Variants in NPAS3 observed in about 807,000 individuals in gnomAD.
NPAS3 encodes the protein neuronal PAS domain-containing protein 3.
Under a neutral mutation model 73.1 loss-of-function variants are expected in NPAS3, and 14 were observed. That is an observed-to-expected ratio of 0.19 (90% CI 0.13 to 0.30). NPAS3 has a LOEUF of 0.30. NPAS3 is among the 10% of genes least tolerant of loss of function. The pLI, the probability that NPAS3 is intolerant of heterozygous loss-of-function variation, is 1.00. For synonymous variants in NPAS3, 620 were observed against 541.5 expected (o/e 1.14, Z -2.01); for missense variants, 1,096 against 1,250.0 (o/e 0.88, Z 1.86).
chr14:33,121,438 C>A (rs561980992), intron 2 of NPAS3, among the ~76,000 whole-genome samples: 3 of 152,216 alleles, frequency 2.0e-5, no homozygotes, highest in African/African-American at 7.2e-5. Flanking sequence ...CTGACTCCCC[C>A]ACTAGACTGA....
chr14:33,687,449 A>G (rs571578056), intron 6 of NPAS3, among the ~76,000 whole-genome samples: 46 of 152,324 alleles, frequency 3.0e-4, no homozygotes, highest in African/African-American at 1.0e-3. Flanking sequence ...AAGAACATTC[A>G]TAAAACTCAT....
intron 2 of NPAS3, among the ~76,000 whole-genome samples, chr14:33,115,773 A>G (rs1009789063): frequency 6.6e-6 from 1 of 152,170 alleles, no homozygotes; most frequent in Non-Finnish European, 1.5e-5. Flanking sequence ...GTTTCCATGT[A>G]CAGTGGTTTA....
chr14:33,596,963 T>C (rs1354239967), intron 5 of NPAS3, among the ~76,000 whole-genome samples: 1 of 152,184 alleles, frequency 6.6e-6, no homozygotes, highest in African/African-American at 2.4e-5. Flanking sequence ...AGGGACATCC[T>C]GTGATGAAGC....
chr14:33,525,524 A>G (rs2053758335), intron 4 of NPAS3, among the ~76,000 whole-genome samples: 1 of 152,220 alleles, frequency 6.6e-6, no homozygotes. Flanking sequence ...GTCAGAGCAC[A>G]GTGCTAGGCT....
In NPAS3 at chr14:33,378,395, T is replaced by A. The variant is rs80072734; in HGVS notation, c.468+11127T>A. ...TCACTCATCACACCCACACACATAT[T>A]CCCTTTTTAAGTTTGGTGTTCCCTG... On this transcript the variant is annotated intron_variant, in intron 4 of 11. Transcript: ENST00000356141. Among the ~76,000 whole-genome samples the A allele has an allele frequency of 1.5e-3, 235 of 152,176 alleles. 1 individual carries two copies. The East Asian group carries it at 0.019, about 12-fold the overall frequency.
intron 3 of NPAS3, among the ~76,000 whole-genome samples, chr14:33,352,433 T>G (rs1394657703): frequency 6.6e-6 from 1 of 152,240 alleles, no homozygotes; most frequent in Non-Finnish European, 1.5e-5. Flanking sequence ...TTTCTCACTA[T>G]TTACTAGGTA....
chr14:33,319,781 T>C (rs1241649394), intron 3 of NPAS3, among the ~76,000 whole-genome samples: 1 of 152,148 alleles, frequency 6.6e-6, no homozygotes, highest in African/African-American at 2.4e-5. Context: ...AGGGCCAAGG[T>C]TGAGAAACCT....
intron 3 of NPAS3, among the ~76,000 whole-genome samples, chr14:33,261,840 G>T (rs941181729): frequency 6.6e-6 from 1 of 152,136 alleles, no homozygotes; most frequent in African/African-American, 2.4e-5. Flanking sequence ...AATAGAGGTG[G>T]TATCTATCTT....
At chr14:32,986,091 T>C (rs956156987) in intron 1 of NPAS3, among the ~76,000 whole-genome samples, 1 of 152,170 alleles carries the variant, frequency 6.6e-6, no homozygotes, top group Non-Finnish European at 1.5e-5. Context: ...TCTTGAACCG[T>C]CTGTGTGCAG....
At chr14:33,611,045 T>C (rs1010337523) in intron 5 of NPAS3, 1 of 152,218 alleles carries the variant, frequency 6.6e-6, no homozygotes, top group Non-Finnish European at 1.5e-5. Context: ...TAACGTTCAG[T>C]TCATAACTGC....
At chr14:33,114,450 G>A (rs113014915) in intron 2 of NPAS3, among the ~76,000 whole-genome samples, 3,932 of 152,202 alleles carry the variant, frequency 0.026, 169 homozygotes, top group African/African-American at 0.089. Context: ...GAATGATGCC[G>A]TGCTGCTGAG....
upstream of NPAS3, among the ~76,000 whole-genome samples, chr14:32,938,670 C>T (rs900460818): frequency 1.1e-4 from 17 of 151,566 alleles, no homozygotes; most frequent in Admixed American, 2.0e-4. Flanking sequence ...GACCCCGCGC[C>T]CCCCGCAGGG....
intron 4 of NPAS3, among the ~76,000 whole-genome samples, chr14:33,465,269 G>T (rs1229841227): frequency 6.6e-6 from 1 of 152,076 alleles, no homozygotes; most frequent in Non-Finnish European, 1.5e-5. Context: ...CTCTAATTCT[G>T]TCAGCCCCAT....
intron 5 of NPAS3, among the ~76,000 whole-genome samples, chr14:33,583,130 AG>A (rs559437867): frequency 9.7e-4 from 147 of 152,176 alleles, no homozygotes; most frequent in East Asian, 1.9e-4. Flanking sequence ...CTGTAGGTCC[AG>A]GCTACTATTG....
rs543861602 is a variant in NPAS3 at position 33,485,509 on chromosome 14, C to T, written c.469-74612C>T. Among the ~76,000 whole-genome samples the T allele has an allele frequency of 2.0e-5, 3 of 152,238 alleles. No individual in the cohort carries two copies. In the South Asian group the frequency reaches 6.2e-4, roughly 32 times the overall value. On this transcript the variant is annotated intron_variant, in intron 4 of 11. Coordinates refer to ENST00000356141, the Ensembl canonical transcript of NPAS3. ...AAACTTTGGATCTAGATAATCTCAGCAAAATGCAGACCTCTGGATTTAGAG... is the reference window on the plus strand; with the variant it reads ...AAACTTTGGATCTAGATAATCTCAGTAAAATGCAGACCTCTGGATTTAGAG...
chr14:33,237,493 G>C (rs1307263521), intron 3 of NPAS3, among the ~76,000 whole-genome samples: 1 of 152,112 alleles, frequency 6.6e-6, no homozygotes, highest in Non-Finnish European at 1.5e-5. Context: ...CCCAGACCAT[G>C]TTGTAAGAAA....
intron 1 of NPAS3, among the ~76,000 whole-genome samples, chr14:32,947,678 G>A (rs923886930): frequency 3.3e-5 from 5 of 151,972 alleles, no homozygotes; most frequent in Non-Finnish European, 1.5e-5. Flanking sequence ...ATGGAAAAAA[G>A]TTACAAAGAT....
chr14:33,340,800 A>G (rs919558772), intron 3 of NPAS3, among the ~76,000 whole-genome samples: 2 of 152,226 alleles, frequency 1.3e-5, no homozygotes, highest in Non-Finnish European at 2.9e-5. Flanking sequence ...AATAATCTTT[A>G]GACTGTTAGT....
chr14:33,284,876 G>GC (rs1370636194), intron 3 of NPAS3, among the ~76,000 whole-genome samples: 1 of 151,936 alleles, frequency 6.6e-6, no homozygotes, highest in Admixed American at 6.6e-5. Context: ...GGATGATGAA[G>GC]CCAACCCTTA....
Sources: allele counts gnomAD v4.1 joint callset (sites outside exome capture counted in the v4.1 genomes callset), GRCh38; gene constraint gnomAD v4.1.1; transcripts MANE v1.5; gene names NCBI Gene and HGNC (gene_info 2026-07-23, HGNC 2026-07-21).